Variants in COPG2 observed in about 807,000 individuals in gnomAD.
COPG2 encodes coatomer subunit gamma-2.
COPG2 carries 37 observed loss-of-function variants against 46.3 expected under a neutral mutation model. That is an observed-to-expected ratio of 0.80 (90% CI 0.61 to 1.05). The LOEUF (loss-of-function observed/expected upper bound fraction) is 1.05, where lower values mean the gene tolerates loss of function less well. Ranked by LOEUF, COPG2 falls within the 50% of genes least tolerant of loss-of-function variation. COPG2 has a pLI of 0.00. For synonymous variants in COPG2, 159 were observed against 129.7 expected (o/e 1.23, Z -1.53); for missense variants, 427 against 387.8 (o/e 1.10, Z -0.85).
chr7:130,554,317 A>T (rs1197880209), intron 14 of COPG2, among the ~76,000 whole-genome samples, 164 bp downstream of exon 14: 1 of 152,180 alleles, frequency 6.6e-6, no homozygotes, highest in East Asian at 1.9e-4. Context: ...CTAAGGCAAA[A>T]ATGAGGGTGG....
chr7:130,648,816 G>A (rs781945331), intron 5 of COPG2, among the ~76,000 whole-genome samples: 9 of 152,162 alleles, frequency 5.9e-5, no homozygotes, highest in South Asian at 2.1e-4. Flanking sequence ...GGTAACCAGC[G>A]TGTATTTAAA....
intron 9 of COPG2, among the ~76,000 whole-genome samples, chr7:130,597,463 C>A (rs1794551468): frequency 6.6e-6 from 1 of 152,128 alleles, no homozygotes; most frequent in Admixed American, 6.5e-5. Context: ...TGTGTTGTAC[C>A]CCTGAGGAAA....
At chr7:130,541,561 CAA>C (rs1799938003) in intron 20 of COPG2, among the ~76,000 whole-genome samples, 8 of 151,852 alleles carry the variant, frequency 5.3e-5, no homozygotes, top group Non-Finnish European at 1.2e-4. Context: ...GAGTGAGTGA[CAA>C]AGACAAAATT....
intron 9 of COPG2, among the ~76,000 whole-genome samples, chr7:130,572,419 C>G (rs578077760): frequency 6.6e-6 from 1 of 152,052 alleles, no homozygotes; most frequent in African/African-American, 2.4e-5. Context: ...AATACAAATT[C>G]TTTCTCAGTG....
chr7:130,654,012 A>G (rs1274763825), intron 4 of COPG2, among the ~76,000 whole-genome samples: 3 of 98,466 alleles, frequency 3.0e-5, no homozygotes, highest in Admixed American at 8.7e-5. Context: ...TAGAGATACG[A>G]AAAAAATTTC....
At chr7:130,647,350 T>TTA (rs1469765969) in intron 5 of COPG2, among the ~76,000 whole-genome samples, 8 of 152,116 alleles carry the variant, frequency 5.3e-5, no homozygotes, top group Non-Finnish European at 1.0e-4. Context: ...GGTAGTATCT[T>TTA]TATAGCAGTA....
intron 9 of COPG2, among the ~76,000 whole-genome samples, chr7:130,598,916 T>C (rs1365413765): frequency 6.6e-6 from 1 of 152,202 alleles, no homozygotes; most frequent in African/African-American, 2.4e-5. Flanking sequence ...TTTTTAGTCC[T>C]TGCTTGTTTA....
chr7:130,536,458 G>A (rs1443427728), intron 20 of COPG2, among the ~76,000 whole-genome samples: 2 of 152,078 alleles, frequency 1.3e-5, no homozygotes, highest in South Asian at 2.1e-4. Context: ...GCAGTGTTCA[G>A]CTCAGAAAAA....
At chr7:130,570,615 A>G (rs541924828) in intron 9 of COPG2, among the ~76,000 whole-genome samples, 1 of 152,316 alleles carries the variant, frequency 6.6e-6, no homozygotes, top group African/African-American at 2.4e-5. Flanking sequence ...AAATGATCAC[A>G]CTGCCAAAAG....
intron 5 of COPG2, among the ~76,000 whole-genome samples, chr7:130,646,987 ATATATATATGTGTATATATATATG>A (rs1197187941): frequency 6.3e-4 from 1 of 1,582 alleles, no homozygotes; most frequent in African/African-American, 9.9e-4. Flanking sequence ...ATATATGTAT[ATATATATATGTGTATATATATATG>A]TATATATATA....
In COPG2 at chr7:130,658,566, C is replaced by G. The variant is rs1795903298; in HGVS notation, c.243+4401G>C. Among the ~76,000 whole-genome samples the G allele has an allele frequency of 2.0e-5, 3 of 152,120 alleles. No homozygotes were observed. The South Asian group carries it at 6.2e-4, about 32-fold the overall frequency. ...CTACACTTAAAAAAAAAATAATAGT[C>G]CAGTAAATGAAAAGGCAAGCCACAG... On this transcript the variant is annotated intron_variant, in intron 4 of 23. Coordinates refer to ENST00000425248, the MANE Select transcript of COPG2 (RefSeq NM_012133.6).
At chr7:130,523,675 C>G (rs918156603) in intron 20 of COPG2, among the ~76,000 whole-genome samples, 1 of 152,176 alleles carries the variant, frequency 6.6e-6, no homozygotes, top group Non-Finnish European at 1.5e-5. Context: ...GTCCCAGACT[C>G]AAGGACTCAG....
chr7:130,536,505 T>G (rs1040577194), intron 20 of COPG2, among the ~76,000 whole-genome samples: 5 of 152,044 alleles, frequency 3.3e-5, no homozygotes, highest in Non-Finnish European at 5.9e-5. Context: ...GGAACACAGA[T>G]AACAGCAAAA....
chr7:130,645,720 G>T (rs1479756471), intron 5 of COPG2: 1 of 142,610 alleles, frequency 7.0e-6, no homozygotes, highest in African/African-American at 2.6e-5. Context: ...TTGCAAAATT[G>T]CCCTTGTTTG....
intron 20 of COPG2, among the ~76,000 whole-genome samples, chr7:130,513,306 A>ATATAT (rs1262964518): frequency 2.4e-4 from 12 of 49,012 alleles, no homozygotes; most frequent in African/African-American, 8.9e-4. Flanking sequence ...AAAAAAAAAA[A>ATATAT]AAATATATAT....
intron 1 of COPG2, 67 bp from the exon 2 acceptor site, chr7:130,667,601 G>A (rs1244175746): frequency 1.5e-6 from 2 of 1,313,630 alleles, no homozygotes; most frequent in African/African-American, 2.9e-5. Context: ...ATACTTTCCA[G>A]AGAAGGGTAC....
chr7:130,662,405 T>C (rs541795599), intron 4 of COPG2, among the ~76,000 whole-genome samples: 3 of 152,276 alleles, frequency 2.0e-5, no homozygotes, highest in Admixed American at 2.0e-4. Flanking sequence ...AGAATTACCT[T>C]CCCTGTATGG....
chr7:130,524,297 T>C (rs1563036246), intron 20 of COPG2, among the ~76,000 whole-genome samples: 2 of 152,028 alleles, frequency 1.3e-5, no homozygotes, highest in Non-Finnish European at 2.9e-5. Flanking sequence ...AGGAGGTACC[T>C]GAGTTCACGA....
intron 23 of COPG2, 75 bp from the exon 24 acceptor site, chr7:130,506,881 C>A (rs568616646): frequency 7.4e-6 from 5 of 675,354 alleles, no homozygotes; most frequent in South Asian, 7.1e-5. Context: ...ATCATGCTAT[C>A]CCTGCATCTC....
Sources: gnomAD v4.1 joint callset for allele counts (sites outside exome capture counted in the v4.1 genomes callset) on GRCh38, gnomAD v4.1.1 for gene constraint, MANE v1.5 for transcripts, NCBI Gene and HGNC (gene_info 2026-07-23, HGNC 2026-07-21) for gene names.